The following ITPR2 variants were observed in gnomAD, a reference collection of about 807,000 sequenced individuals.
ITPR2 encodes the protein inositol 1,4,5-trisphosphate receptor type 2, also known as inositol 1,4,5-trisphosphate-gated calcium channel ITPR2.
A neutral mutation model predicts 317.1 loss-of-function variants in ITPR2; 207 were observed. The observed-to-expected ratio is 0.65, with a 90% CI of 0.58 to 0.73. The LOEUF is 0.73. ITPR2 is among the 30% of genes least tolerant of loss of function. The pLI, the probability that ITPR2 is intolerant of heterozygous loss-of-function variation, is 0.00. For missense variants in ITPR2, 2,613 were observed against 3,284.0 expected (o/e 0.80, Z 4.99); for synonymous variants, 1,156 against 1,149.1 (o/e 1.01, Z -0.12).
chr12:26,435,693 C>T (rs1005168459), intron 48 of ITPR2, among the ~76,000 whole-genome samples: 1 of 151,860 alleles, frequency 6.6e-6, no homozygotes, highest in African/African-American at 2.4e-5. Flanking sequence ...TCCTTTATTT[C>T]CTATTATTAT....
At chr12:26,387,734 A>C in intron 54 of ITPR2, 140 bp from the exon 55 acceptor site, 1 of 736,062 alleles carries the variant, frequency 1.4e-6, no homozygotes, top group Non-Finnish European at 2.2e-6. Context: ...CTATGATTAA[A>C]AACAACACAG....
chr12:26,414,024 A>C (rs1392700189), intron 51 of ITPR2, among the ~76,000 whole-genome samples: 1 of 145,180 alleles, frequency 6.9e-6, no homozygotes, highest in Non-Finnish European at 1.5e-5. Flanking sequence ...AGGTTTTGGG[A>C]AGCAGATAGT....
chr12:26,444,487 C>T (rs1941561888), intron 45 of ITPR2, among the ~76,000 whole-genome samples: 1 of 152,150 alleles, frequency 6.6e-6, no homozygotes, highest in Non-Finnish European at 1.5e-5. Context: ...CTGCCTCCAA[C>T]TCCATGCCAG....
intron 2 of ITPR2, among the ~76,000 whole-genome samples, chr12:26,762,148 A>T (rs1949646230): frequency 6.6e-6 from 1 of 152,240 alleles, no homozygotes; most frequent in Non-Finnish European, 1.5e-5. Context: ...CAGAAGGAAT[A>T]GAGAAAGAAA....
chr12:26,597,150 G>A lies in ITPR2; in HGVS notation c.4003-16C>T. ...CATTTATCAACTGAAATGATAATAA[G>A]AGAGTCTATGTAGCAGTCCGAACAT... On this transcript the variant is annotated splice_polypyrimidine_tract_variant and intron_variant, in intron 30 of 56. Coordinates refer to ENST00000381340, the MANE Select transcript of ITPR2 (RefSeq NM_002223.4). 3 of 1,613,020 alleles carry A rather than the reference G, an allele frequency of 1.9e-6. No individual in the cohort carries two copies. The highest frequency in any genetic ancestry group is 1.7e-5 in the Admixed American group (1 of 60,016).
chr12:26,561,888 C>G lies in ITPR2; in HGVS notation c.4695G>C (p.Lys1565Asn), dbSNP rs1325015757. Residue 1565 changes from lysine to asparagine, a missense_variant, in exon 35 of 57, where the codon AAG becomes AAC. Transcript: ENST00000381340. ...CTCTCTGCACCATATTTGAATGGCT[C>G]TTCATGAAAAGAGTATTAACTTGGC... ...LDSQVNTLFM[K>N]SHSNMVQRAA... The G allele has an allele frequency of 6.3e-7, 1 of 1,585,282 alleles. No individual in the cohort carries two copies. The highest frequency in any genetic ancestry group is 8.5e-7 in the Non-Finnish European group (1 of 1,172,282).
At chr12:26,606,102 C>T (rs938036487) in intron 26 of ITPR2, among the ~76,000 whole-genome samples, 10 of 151,930 alleles carry the variant, frequency 6.6e-5, no homozygotes, top group African/African-American at 2.2e-4. Flanking sequence ...ATCTACAAAA[C>T]CCTGAATCTA....
chr12:26,659,992 A>C (rs74775315), intron 15 of ITPR2, among the ~76,000 whole-genome samples: 28,410 of 152,236 alleles, frequency 0.19, 3,568 homozygotes, highest in East Asian at 0.55. Flanking sequence ...TTGCCCAATA[A>C]ATGTTTCTTG....
Position 26,372,462 on chromosome 12 carries a change from G to A in ITPR2, c.7857+14972C>T, listed in dbSNP as rs1411253288. On this transcript the variant is annotated intron_variant, in intron 55 of 56. Coordinates refer to ENST00000381340, the MANE Select transcript of ITPR2 (RefSeq NM_002223.4). ...AAACGCTGAATGTAGGGATGTTTAC[G>A]CATTTTACAGATGAAGATACTGAGG... Among the ~76,000 whole-genome samples, 4 of 152,266 alleles carry A rather than the reference G, an allele frequency of 2.6e-5. No individual in the cohort carries two copies. In the East Asian group the frequency reaches 5.8e-4, roughly 22 times the overall value.
At chr12:26,801,813 A>G (rs1950560069) in intron 1 of ITPR2, among the ~76,000 whole-genome samples, 1 of 152,176 alleles carries the variant, frequency 6.6e-6, no homozygotes, top group African/African-American at 2.4e-5. Flanking sequence ...AAATTGTTTA[A>G]ACTCTGGGCC....
At chr12:26,482,928 A>T (rs1342196854) in intron 42 of ITPR2, among the ~76,000 whole-genome samples, 5 of 152,186 alleles carry the variant, frequency 3.3e-5, no homozygotes, top group African/African-American at 1.2e-4. Context: ...AATGTTTATG[A>T]CTTGAAAACT....
intron 37 of ITPR2, among the ~76,000 whole-genome samples, chr12:26,529,524 T>C (rs1359883693): frequency 6.6e-6 from 1 of 152,170 alleles, no homozygotes; most frequent in Non-Finnish European, 1.5e-5. Context: ...CAAACCCATT[T>C]CTCTTCACTG....
At chr12:26,484,831 C>T (rs1011170748) in intron 41 of ITPR2, among the ~76,000 whole-genome samples, 2 of 152,120 alleles carry the variant, frequency 1.3e-5, no homozygotes, top group Admixed American at 1.3e-4. Context: ...CCTGCCTCAG[C>T]CTCCGGAGTA....
chr12:26,458,417 G>C (rs147950396), intron 45 of ITPR2, among the ~76,000 whole-genome samples: 1 of 152,084 alleles, frequency 6.6e-6, no homozygotes, highest in Non-Finnish European at 1.5e-5. Flanking sequence ...CACTCAGATC[G>C]GAACAATCAA....
chr12:26,777,063 G>A (rs897497409), intron 2 of ITPR2, among the ~76,000 whole-genome samples: 1 of 152,134 alleles, frequency 6.6e-6, no homozygotes, highest in Non-Finnish European at 1.5e-5. Flanking sequence ...TTATTGATTT[G>A]GGCCCACTAA....
intron 55 of ITPR2, among the ~76,000 whole-genome samples, chr12:26,377,685 C>T (rs114735057): frequency 0.012 from 1,846 of 152,282 alleles, 37 homozygotes; most frequent in African/African-American, 0.041. Context: ...TCATAGACAT[C>T]GGTCCCAGGA....
At chr12:26,807,580 T>C (rs1950660552) in intron 1 of ITPR2, among the ~76,000 whole-genome samples, 1 of 152,196 alleles carries the variant, frequency 6.6e-6, no homozygotes, top group Non-Finnish European at 1.5e-5. Flanking sequence ...TTACAGCAGG[T>C]TTCACAAGAT....
chr12:26,818,572 A>T (rs1406774163), intron 1 of ITPR2, among the ~76,000 whole-genome samples: 1 of 152,244 alleles, frequency 6.6e-6, no homozygotes, highest in Non-Finnish European at 1.5e-5. Flanking sequence ...ATTCCTGCAC[A>T]TGGATTAGTG....
chr12:26,790,211 A>C lies in ITPR2; in HGVS notation c.109T>G (p.Cys37Gly). Reference sequence around the variant, plus strand: ...TCCCCGGCCTCTGGGTGCACCACACATCTGTCATCCACTAACCTAGAAGGA... The same window carrying C: ...TCCCCGGCCTCTGGGTGCACCACACCTCTGTCATCCACTAACCTAGAAGGA... ...ISTLGLVDDRCVVHPEAGDLA... is the reference protein window; with the variant it reads ...ISTLGLVDDRGVVHPEAGDLA... Residue 37 changes from cysteine to glycine, a missense_variant, in exon 2 of 57, where the codon TGT (cysteine) becomes GGT (glycine). Cys to Gly is a radical substitution (Grantham distance 159). Transcript: ENST00000381340. 1.2e-6 allele frequency: 2 copies of C among 1,613,792 alleles called. No homozygotes were observed. The highest frequency in any genetic ancestry group is 1.7e-6 in the Non-Finnish European group (2 of 1,179,638).
Sources: allele counts gnomAD v4.1 joint callset (sites outside exome capture counted in the v4.1 genomes callset), GRCh38; gene constraint gnomAD v4.1.1; transcripts MANE v1.5; gene names NCBI Gene and HGNC (gene_info 2026-07-23, HGNC 2026-07-21).